Variants in PARP16 observed in about 807,000 individuals in gnomAD.
PARP16 encodes protein mono-ADP-ribosyltransferase PARP16.
PARP16 carries 31 observed loss-of-function variants against 35.0 expected under a neutral mutation model. That is an observed-to-expected ratio of 0.88 (90% CI 0.66 to 1.19). The LOEUF is 1.19. Ranked by LOEUF, PARP16 falls within the 50% of genes most tolerant of loss-of-function variation. The pLI is 0.00. For missense variants in PARP16, 424 were observed against 411.2 expected, an observed-to-expected ratio of 1.03 and a Z score of -0.27; for synonymous variants, 162 against 169.5, an observed-to-expected ratio of 0.96 and a Z score of 0.34.
intron 1 of PARP16, among the ~76,000 whole-genome samples, chr15:65,271,768 C>T (rs922805009): frequency 5.9e-5 from 9 of 152,136 alleles, no homozygotes; most frequent in African/African-American, 1.7e-4. Context: ...GTGGGTAAAG[C>T]GCTACATTAC....
chr15:65,232,103 AG>A (rs1291949791), downstream of PARP16, among the ~76,000 whole-genome samples: 1 of 152,124 alleles, frequency 6.6e-6, no homozygotes, highest in Non-Finnish European at 1.5e-5. Flanking sequence ...AAAGAGGGCA[AG>A]GGGGATGGGC....
intron 1 of PARP16, chr15:65,285,445 A>G: frequency 3.1e-6 from 1 of 319,230 alleles, no homozygotes; most frequent in Non-Finnish European, 6.2e-6. Context: ...GGCCCCTCCA[A>G]GTTTTTAACA....
At chr15:65,263,378 G>C in intron 3 of PARP16, 58 bp from the exon 4 acceptor site, 1 of 1,413,320 alleles carries the variant, frequency 7.1e-7, no homozygotes. Flanking sequence ...CAGTTGGCAC[G>C]GCAAGACGAC....
rs546860350 is a variant in PARP16, at chr15:65,250,599, G to A, written c.203-2371C>T. On this transcript the variant is annotated intron_variant and NMD_transcript_variant, in intron 2 of 3. Transcript: ENST00000559805. ...CTTTTAATATGCACATCATGCAGGA[G>A]GCACTTGATACACGGTAGCATCCTT... Among the ~76,000 whole-genome samples the A allele has an allele frequency of 1.2e-4, 19 of 152,302 alleles. No individual in the cohort carries two copies. The South Asian group carries it at 3.3e-3, about 27-fold the overall frequency.
chr15:65,245,265 C>A (rs1340638617), intron 3 of PARP16, among the ~76,000 whole-genome samples: 1 of 152,230 alleles, frequency 6.6e-6, no homozygotes, highest in African/African-American at 2.4e-5. Flanking sequence ...CTGACCTGGG[C>A]TCTCTGCTCA....
chr15:65,286,258 C>T lies in PARP16; in HGVS notation c.169G>A (p.Ala57Thr), dbSNP rs1393507873. 1.9e-6 allele frequency: 3 copies of T among 1,578,778 alleles called. No homozygotes were observed. The highest frequency in any genetic ancestry group is 2.6e-6 in the Non-Finnish European group (3 of 1,165,700). The change falls in exon 1 of 6, where the codon GCC (alanine) becomes ACC (threonine). Residue 57 changes from alanine (A) to threonine (T), a missense_variant. Physicochemically the swap from Ala to Thr is moderately conservative, Grantham distance 58 (BLOSUM62 0). Coordinates refer to ENST00000649807, the MANE Select transcript of PARP16 (RefSeq NM_001316943.2). ...CCAGGACAAAGCACACTCACCAGGG[C>T]TTCAAAGTCCTTACAGTCGCCGCGG... ...YARGDCKDFE[A>T]LLADASKLPN...
downstream of PARP16, among the ~76,000 whole-genome samples, chr15:65,232,867 G>A (rs1370791118): frequency 6.6e-6 from 1 of 151,240 alleles, no homozygotes; most frequent in Non-Finnish European, 1.5e-5. Context: ...GACCACCCTA[G>A]CCAACATAGT....
chr15:65,264,369 T>C (rs975730324), intron 3 of PARP16, among the ~76,000 whole-genome samples: 43 of 152,222 alleles, frequency 2.8e-4, no homozygotes, highest in Admixed American at 2.0e-4. Context: ...GACGCTCAGG[T>C]TGAAATTCAA....
intron 3 of PARP16, among the ~76,000 whole-genome samples, chr15:65,242,169 A>C (rs1375315824): frequency 6.6e-6 from 1 of 152,208 alleles, no homozygotes; most frequent in African/African-American, 2.4e-5. Context: ...ATAAAAAATC[A>C]ATTGATAATA....
downstream of PARP16, among the ~76,000 whole-genome samples, chr15:65,257,231 ACATGGT>A (rs1354608433): frequency 6.6e-6 from 1 of 152,200 alleles, no homozygotes; most frequent in African/African-American, 2.4e-5. Context: ...AGCCTGGCCA[ACATGGT>A]AAAACCCCAT....
At chr15:65,250,079 C>T (rs2089315005) in intron 2 of PARP16, among the ~76,000 whole-genome samples, 1 of 150,336 alleles carries the variant, frequency 6.7e-6, no homozygotes, top group Non-Finnish European at 1.5e-5. Context: ...CAGACAGCCC[C>T]TCTAGCTGCA....
chr15:65,282,356 AAATGAT>A (rs1396270360), intron 1 of PARP16, among the ~76,000 whole-genome samples: 1 of 152,168 alleles, frequency 6.6e-6, no homozygotes, highest in African/African-American at 2.4e-5. Context: ...GGTAACTACA[AAATGAT>A]CTAGCCAGTC....
intron 3 of PARP16, among the ~76,000 whole-genome samples, chr15:65,244,463 G>T (rs1331152704): frequency 6.6e-6 from 1 of 152,150 alleles, no homozygotes; most frequent in Non-Finnish European, 1.5e-5. Context: ...GAGAGTGTGT[G>T]CAAGAGAACT....
intron 3 of PARP16, among the ~76,000 whole-genome samples, chr15:65,245,179 A>T (rs911380608): frequency 1.3e-5 from 2 of 152,200 alleles, no homozygotes; most frequent in African/African-American, 4.8e-5. Context: ...CGTGGCTGCA[A>T]GGCTCAGGAA....
chr15:65,259,648 C>A, intron 5 of PARP16, 106 bp from the exon 6 acceptor site: 1 of 1,106,626 alleles, frequency 9.0e-7, no homozygotes, highest in South Asian at 1.5e-5. Context: ...TGAATTTCAT[C>A]CTTTGCCTGA....
intron 3 of PARP16, among the ~76,000 whole-genome samples, chr15:65,245,543 TC>T (rs2089187365): frequency 6.6e-6 from 1 of 151,718 alleles, no homozygotes; most frequent in Admixed American, 6.6e-5. Context: ...GTGGCTAGAG[TC>T]CCATGGAGTA....
chr15:65,247,935 G>A (rs1171285582), intron 3 of PARP16, among the ~76,000 whole-genome samples: 1 of 151,524 alleles, frequency 6.6e-6, no homozygotes, highest in Non-Finnish European at 1.5e-5. Context: ...CTCCTGAGTA[G>A]CTGGGACTAC....
chr15:65,281,319 G>A (rs146617283), intron 1 of PARP16, among the ~76,000 whole-genome samples: 52 of 152,254 alleles, frequency 3.4e-4, no homozygotes, highest in African/African-American at 1.2e-3. Context: ...TTCAGCACAC[G>A]CACAATGTGA....
intron 1 of PARP16, among the ~76,000 whole-genome samples, chr15:65,285,021 C>T (rs1205804560): frequency 1.3e-5 from 2 of 151,940 alleles, no homozygotes; most frequent in East Asian, 1.9e-4. Flanking sequence ...TGGTCTCAAA[C>T]GATCCTCTTG....
Sources: gnomAD v4.1 joint callset for allele counts (sites outside exome capture counted in the v4.1 genomes callset) on GRCh38, gnomAD v4.1.1 for gene constraint, MANE v1.5 for transcripts, NCBI Gene and HGNC (gene_info 2026-07-23, HGNC 2026-07-21) for gene names.